TOX: variants seen among roughly 807,000 people sequenced by gnomAD.
TOX encodes thymocyte selection-associated high mobility group box protein TOX.
A neutral mutation model predicts 53.7 loss-of-function variants in TOX; 11 were observed. That is an observed-to-expected ratio of 0.20 (90% confidence interval 0.13 to 0.34). The LOEUF is 0.34. Among genes scored for constraint, TOX ranks in the 10% least tolerant of loss-of-function variants. TOX has a pLI of 1.00. For synonymous variants in TOX, 225 were observed against 245.3 expected, an observed-to-expected ratio of 0.92 and a Z score of 0.77; for missense variants, 570 against 664.6, an observed-to-expected ratio of 0.86 and a Z score of 1.56.
chr8:58,896,711 A>G (rs1192285659), intron 3 of TOX, among the ~76,000 whole-genome samples: 1 of 150,982 alleles, frequency 6.6e-6, no homozygotes, highest in African/African-American at 2.5e-5. Context: ...AAATAAAATA[A>G]AAACAAAAAA....
intron 2 of TOX, among the ~76,000 whole-genome samples, chr8:58,945,128 T>C (rs1036568050): frequency 3.2e-4 from 48 of 152,338 alleles, no homozygotes; most frequent in Non-Finnish European, 6.3e-4. Flanking sequence ...GGAGCTCTGC[T>C]GGTGGGCCTG....
chr8:59,024,725 CT>C (rs1403178415), intron 1 of TOX, among the ~76,000 whole-genome samples: 2 of 151,888 alleles, frequency 1.3e-5, no homozygotes, highest in East Asian at 3.8e-4. Flanking sequence ...TAAAAACTAA[CT>C]TCTGTGTGCT....
chr8:59,092,265 TTATA>T (rs201625696), intron 1 of TOX, among the ~76,000 whole-genome samples: 48 of 89,876 alleles, frequency 5.3e-4, no homozygotes, highest in Middle Eastern at 5.0e-3. Context: ...TATATATATT[TTATA>T]TATATATATA....
chr8:59,095,085 A>G (rs1033202886), intron 1 of TOX, among the ~76,000 whole-genome samples: 1 of 152,204 alleles, frequency 6.6e-6, no homozygotes, highest in Non-Finnish European at 1.5e-5. Flanking sequence ...TATAAACCCT[A>G]TTATGTTCTA....
intron 3 of TOX, among the ~76,000 whole-genome samples, chr8:58,922,860 G>A (rs1483245078): frequency 1.3e-5 from 2 of 152,214 alleles, no homozygotes; most frequent in South Asian, 2.1e-4. Context: ...GGCAGGGCAG[G>A]AGCAAGGTGC....
intron 1 of TOX, among the ~76,000 whole-genome samples, chr8:58,993,682 T>A (rs1813499161): frequency 6.6e-6 from 1 of 152,078 alleles, no homozygotes; most frequent in Non-Finnish European, 1.5e-5. Context: ...AACTTTCCAG[T>A]CTCTGAATGA....
intron 1 of TOX, among the ~76,000 whole-genome samples, chr8:58,975,568 A>C (rs1813081169): frequency 6.6e-6 from 1 of 152,202 alleles, no homozygotes; most frequent in African/African-American, 2.4e-5. Flanking sequence ...ACACTATACT[A>C]CAGTCTATTA....
intron 3 of TOX, among the ~76,000 whole-genome samples, chr8:58,928,059 G>A (rs1434648188): frequency 6.6e-6 from 1 of 152,176 alleles, no homozygotes; most frequent in Admixed American, 6.5e-5. Flanking sequence ...GATCTTTCCT[G>A]GTCTCATACT....
rs956337037 is a variant in TOX at position 59,117,354 on chromosome 8, C to T, written c.102+1532G>A. Among the ~76,000 whole-genome samples, 2 of 152,212 alleles carry T rather than the reference C, an allele frequency of 1.3e-5. No individual in the cohort carries two copies. Among genetic ancestry groups the T allele is most frequent in the East Asian group, 3.8e-4 (2 of 5,206 alleles). On this transcript the variant is annotated intron_variant, in intron 1 of 8. Coordinates refer to ENST00000361421, the MANE Select transcript of TOX (RefSeq NM_014729.3). The surrounding 1 kb of genome is among the most constrained non-coding windows in gnomAD (Gnocchi z 4.6). ...ACTCCTATGCGCTTGCCAAAGTTCC[C>T]CGTACCTTTCAACTTGCCCGTAGCT...
chr8:59,071,728 G>A (rs1804200323), intron 1 of TOX, among the ~76,000 whole-genome samples: 1 of 152,124 alleles, frequency 6.6e-6, no homozygotes, highest in African/African-American at 2.4e-5. Flanking sequence ...GACTGAATGT[G>A]ACTATGAAAA....
chr8:58,865,629 C>A (rs1170831627), intron 3 of TOX, among the ~76,000 whole-genome samples: 1 of 151,246 alleles, frequency 6.6e-6, no homozygotes, highest in African/African-American at 2.4e-5. Flanking sequence ...GTGGACATGC[C>A]CTTCTTAAAT....
At chr8:59,069,890 G>A (rs1250290635) in intron 1 of TOX, among the ~76,000 whole-genome samples, 2 of 152,198 alleles carry the variant, frequency 1.3e-5, no homozygotes, top group East Asian at 3.8e-4. Flanking sequence ...AGAGCGAGAA[G>A]GGCCTAAGAA....
intron 4 of TOX, among the ~76,000 whole-genome samples, chr8:58,841,057 G>A (rs1585854677): frequency 6.6e-6 from 1 of 152,162 alleles, no homozygotes; most frequent in South Asian, 2.1e-4. Flanking sequence ...AGTGTACTTA[G>A]GTAATCTCAC....
At chr8:59,035,613 T>C (rs1470162007) in intron 1 of TOX, among the ~76,000 whole-genome samples, 1 of 152,236 alleles carries the variant, frequency 6.6e-6, no homozygotes, top group Non-Finnish European at 1.5e-5. Context: ...TCAGAGCCTA[T>C]AAATAACCAC....
intron 1 of TOX, among the ~76,000 whole-genome samples, chr8:58,982,592 A>C (rs111385867): frequency 0.019 from 2,872 of 152,226 alleles, 108 homozygotes; most frequent in African/African-American, 0.066. Context: ...TATTCTTTGC[A>C]TCCCAAGTCC....
At position 58,818,668 on chromosome 8, in the gene TOX, C is replaced by T. The variant is rs564700189; in HGVS notation, c.1006-2944G>A. 2.1e-4 allele frequency among the ~76,000 whole-genome samples: 32 copies of T among 152,300 alleles called. 2 individuals are homozygous for T. Among genetic ancestry groups the T allele is most frequent in the African/African-American group, 7.5e-4 (31 of 41,572 alleles). ...CCACCATTGCCCTTGCTGACTTGCC[C>T]TCTTGACCAGACACACCGTTCCTCT... On this transcript the variant is annotated intron_variant, in intron 6 of 8. Transcript: ENST00000361421.
At chr8:58,896,272 C>A (rs1811643905) in intron 3 of TOX, among the ~76,000 whole-genome samples, 1 of 152,236 alleles carries the variant, frequency 6.6e-6, no homozygotes, top group African/African-American at 2.4e-5. Flanking sequence ...GGAAAACACA[C>A]CCACACCCAA....
At chr8:59,095,055 A>G (rs1024431382) in intron 1 of TOX, among the ~76,000 whole-genome samples, 1 of 152,232 alleles carries the variant, frequency 6.6e-6, no homozygotes, top group African/African-American at 2.4e-5. Context: ...ACTGTCTTAT[A>G]TCATCATTTA....
chr8:58,832,168 T>C (rs1054581317), intron 5 of TOX, among the ~76,000 whole-genome samples: 44 of 116,478 alleles, frequency 3.8e-4, no homozygotes, highest in African/African-American at 8.8e-4. Flanking sequence ...ATATGTAATA[T>C]ATGTAATATA....
Sources: gnomAD v4.1 joint callset for allele counts (sites outside exome capture counted in the v4.1 genomes callset) on GRCh38, gnomAD v4.1.1 for gene constraint, Gnocchi (gnomAD v3.1) non-coding constraint, MANE v1.5 for transcripts, NCBI Gene and HGNC (gene_info 2026-07-23, HGNC 2026-07-21) for gene names.